MYO18A: variants seen among roughly 807,000 people sequenced by gnomAD.
MYO18A encodes the protein unconventional myosin-XVIIIa.
A neutral mutation model predicts 235.8 loss-of-function variants in MYO18A; 78 were observed. The observed-to-expected ratio is 0.33, with a 90% confidence interval of 0.28 to 0.40. The LOEUF is 0.40. Among genes scored for constraint, MYO18A ranks in the 10% least tolerant of loss-of-function variants. The pLI is 1.00. For synonymous variants in MYO18A, 977 were observed against 1,077.8 expected (o/e 0.91, Z 1.83); for missense variants, 2,215 against 2,699.3 (o/e 0.82, Z 3.98).
In MYO18A at chr17:29,109,167, C is replaced by CA. The variant is rs900364710; in HGVS notation, c.3331+690dup. ...TCTCAGGCAAAAAACAAAAAAAAAA[C>CA]AAAAAAAACCCACCCTACTTGAGAG... is the stretch of plus-strand genomic sequence containing the variant. On this transcript the variant is annotated intron_variant, in intron 19 of 41. Transcript: ENST00000527372. This position sits in a 1 kb window ranked among gnomAD's most constrained non-coding sequence, Gnocchi z 4.1. Among the ~76,000 whole-genome samples the CA allele has an allele frequency of 1.7e-4, 25 of 149,552 alleles. No homozygotes were observed. Among genetic ancestry groups the CA allele is most frequent in the Non-Finnish European group, 3.3e-4 (22 of 67,466 alleles).
intron 1 of MYO18A, among the ~76,000 whole-genome samples, chr17:29,173,534 C>G (rs2068455028): frequency 6.6e-6 from 1 of 151,866 alleles, no homozygotes; most frequent in African/African-American, 2.4e-5. Context: ...ACTACAGGCG[C>G]CCGCCACCGC....
Position 29,127,953 on chromosome 17 carries a change from C to T in MYO18A, c.1000-5700G>A, listed in dbSNP as rs994714525. On this transcript the variant is annotated intron_variant, in intron 2 of 41. Transcript: ENST00000527372. ...GGGGTCACCAGCTCTTCCGGTGGGG[C>T]TGGGGAGCGCTGCTTCTTTGGGGCT... The T allele has an allele frequency of 6.0e-6, 6 of 1,003,082 alleles. No homozygotes were observed. The African/African-American group carries it at 8.7e-5, about 15-fold the overall frequency. The allele number at this position is 1,003,082 out of a possible 1,614,324, so 62.1% of individuals were successfully genotyped here.
chr17:29,175,718 T>C (rs1190994158), intron 1 of MYO18A, among the ~76,000 whole-genome samples: 2 of 151,920 alleles, frequency 1.3e-5, no homozygotes, highest in Admixed American at 6.6e-5. Context: ...AAAACATATA[T>C]TAAACTATAA....
At position 29,111,654 on chromosome 17, in the gene MYO18A, G is replaced by C; in HGVS notation, c.2740+68C>G. 2 of 1,611,566 alleles carry C rather than the reference G, an allele frequency of 1.2e-6. No individual in the cohort carries two copies. Among genetic ancestry groups the C allele is most frequent in the African/African-American group, 1.3e-5 (1 of 74,998 alleles). On this transcript the variant is annotated intron_variant, in intron 16 of 41. Transcript: ENST00000527372. The surrounding 1 kb of genome is among the most constrained non-coding windows in gnomAD (Gnocchi z 5.1). ...AAAGTGACCCCCGCCCCCTCCCAGG[G>C]AGTGCCACCTGGACCCACCTGTATG...
intron 7 of MYO18A, 118 bp from the exon 8 acceptor site, chr17:29,119,553 ATT>A (rs11349517): frequency 0.098 from 41,963 of 426,650 alleles, no homozygotes; most frequent in East Asian, 0.2. Context: ...AAGCAGCTGC[ATT>A]TTTTTTTTTT....
At chr17:29,123,804 T>C (rs1010560472) in intron 2 of MYO18A, among the ~76,000 whole-genome samples, 1 of 152,176 alleles carries the variant, frequency 6.6e-6, no homozygotes, top group Non-Finnish European at 1.5e-5. Flanking sequence ...ATCACAGCAC[T>C]TTGGGAGGCT....
chr17:29,128,937 C>T, intron 2 of MYO18A: 2 of 878,908 alleles, frequency 2.3e-6, no homozygotes, highest in South Asian at 1.4e-5. Context: ...CCTCGCAGCC[C>T]AGACACAGCA....
chr17:29,172,514 T>C (rs1445103422), intron 1 of MYO18A, among the ~76,000 whole-genome samples: 1 of 151,744 alleles, frequency 6.6e-6, no homozygotes, highest in Non-Finnish European at 1.5e-5. Flanking sequence ...TAAATAGCTA[T>C]GAAATCTCAG....
intron 10 of MYO18A, among the ~76,000 whole-genome samples, 158 bp from the exon 11 acceptor site, chr17:29,116,613 G>GCACACACACACACACACACACA (rs144361514): frequency 0.065 from 9,364 of 144,804 alleles, 431 homozygotes; most frequent in South Asian, 0.14. Context: ...TGGGACAAAC[G>GCACACACACACACACACACACA]CACACACACA....
At chr17:29,094,401 C>T (rs548684095) in intron 30 of MYO18A, 1 of 605,416 alleles carries the variant, frequency 1.7e-6, no homozygotes. Flanking sequence ...TGGCCCTCAG[C>T]TGCCATGCAT....
intron 2 of MYO18A, among the ~76,000 whole-genome samples, chr17:29,135,529 A>C (rs936309004): frequency 1.3e-5 from 2 of 152,230 alleles, no homozygotes; most frequent in African/African-American, 4.8e-5. Context: ...TTAATGTGCT[A>C]GAGACTTTAA....
intron 40 of MYO18A, among the ~76,000 whole-genome samples, chr17:29,084,943 C>T (rs2066215309): frequency 6.6e-6 from 1 of 152,174 alleles, no homozygotes; most frequent in African/African-American, 2.4e-5. Context: ...TCCTGGGCTT[C>T]CTGCCACCTG....
intron 31 of MYO18A, 43 bp from the exon 32 acceptor site, chr17:29,093,470 C>T: frequency 6.7e-7 from 1 of 1,502,374 alleles, no homozygotes; most frequent in Non-Finnish European, 9.1e-7. Flanking sequence ...CCCTTTAGTG[C>T]CTGGTGCGAA....
Position 29,114,037 on chromosome 17 carries a change from C to T in MYO18A, c.2572G>A (p.Val858Met). The change falls in exon 15 of 42, where the codon GTG (valine) becomes ATG (methionine). Residue 858 changes from valine to methionine, a missense_variant. Coordinates refer to ENST00000527372, the MANE Select transcript of MYO18A (RefSeq NM_078471.4). The part of the protein sequence containing the change: ...EPPTDDSVAA[V>M]DQASHQSLVR... ...AGGGACTGATGGGAGGCCTGGTCCA[C>T]AGCAGCCACAGAGTCATCCGTCGGG... The T allele has an allele frequency of 6.2e-7, 1 of 1,601,444 alleles. No homozygotes were observed.
intron 1 of MYO18A, among the ~76,000 whole-genome samples, chr17:29,175,926 G>A (rs2068514252): frequency 6.6e-6 from 1 of 152,102 alleles, no homozygotes; most frequent in South Asian, 2.1e-4. Flanking sequence ...GGGCGTGGTG[G>A]CGGGCGCCTG....
At chr17:29,154,121 T>TGTGTGTGTGTGTGTGCGCACGCGCGC (rs142430455) in intron 2 of MYO18A, among the ~76,000 whole-genome samples, 13 of 149,104 alleles carry the variant, frequency 8.7e-5, no homozygotes, top group African/African-American at 3.3e-4. Flanking sequence ...TGTGTGTGTG[T>TGTGTGTGTGTGTGTGCGCACGCGCGC]GCGCGCGCGT....
chr17:29,174,827 T>C (rs1172492434), intron 1 of MYO18A, among the ~76,000 whole-genome samples: 2 of 152,156 alleles, frequency 1.3e-5, no homozygotes, highest in African/African-American at 4.8e-5. Context: ...AAAAAAAAGC[T>C]AAATTATACA....
rs752636568 is a variant in MYO18A, at chr17:29,111,694, G to A, written c.2740+28C>T. On this transcript the variant is annotated intron_variant, in intron 16 of 41. Coordinates refer to ENST00000527372, the MANE Select transcript of MYO18A (RefSeq NM_078471.4). The surrounding 1 kb of genome is among the most constrained non-coding windows in gnomAD (Gnocchi z 5.1). Reference sequence around the variant, plus strand: ...CCACCTGTATGTAAGAGGAAGCAGAGGAGCTACCCTCTAGGGATGCCACCT... The same window carrying A: ...CCACCTGTATGTAAGAGGAAGCAGAAGAGCTACCCTCTAGGGATGCCACCT... 2.5e-6 allele frequency: 4 copies of A among 1,612,836 alleles called. No individual in the cohort carries two copies. Among genetic ancestry groups the A allele is most frequent in the Non-Finnish European group, 2.5e-6 (3 of 1,179,470 alleles).
chr17:29,103,244 C>T (rs2066699675), intron 21 of MYO18A, among the ~76,000 whole-genome samples: 1 of 152,272 alleles, frequency 6.6e-6, no homozygotes, highest in East Asian at 1.9e-4. Flanking sequence ...CAGCCCACAT[C>T]CTCTGGGTCC....
Sources: gnomAD v4.1 joint callset for allele counts (sites outside exome capture counted in the v4.1 genomes callset) on GRCh38, gnomAD v4.1.1 for gene constraint, Gnocchi (gnomAD v3.1) non-coding constraint, MANE v1.5 for transcripts, NCBI Gene and HGNC (gene_info 2026-07-23, HGNC 2026-07-21) for gene names.